Variants in HYDIN observed in about 807,000 individuals in gnomAD.
HYDIN encodes HYDIN axonemal central pair apparatus protein, also known as axonemal central pair apparatus protein HYDIN.
In HYDIN, 132 loss-of-function variants were observed where a neutral mutation model predicts 403.9. That is an observed-to-expected ratio of 0.33 (90% CI 0.28 to 0.38). The LOEUF is 0.38. Ranked by LOEUF, HYDIN falls within the 10% of genes least tolerant of loss-of-function variation. The probability of loss-of-function intolerance (pLI) is 1.00; values close to 1 mark genes in which losing one functional copy is unlikely to be tolerated. For missense variants in HYDIN, 2,827 were observed against 5,009.5 expected (o/e 0.56, Z 13.15); for synonymous variants, 1,202 against 1,891.7 (o/e 0.64, Z 9.46).
chr16:70,856,852 G>A (rs558807583), intron 72 of HYDIN, among the ~76,000 whole-genome samples: 4 of 152,356 alleles, frequency 2.6e-5, no homozygotes, highest in Admixed American at 6.5e-5. Flanking sequence ...AGAGAAAGAT[G>A]AGACAGGATG....
rs553587582 is a variant in HYDIN, at chr16:70,883,960, G to A, written c.9939C>T (p.Ala3313=). 4.7e-5 allele frequency: 76 copies of A among 1,614,044 alleles called. No homozygotes were observed. Among genetic ancestry groups the A allele is most frequent in the Non-Finnish European group, 5.8e-5 (69 of 1,180,032 alleles). Residue 3313 remains alanine, a synonymous_variant, in exon 59 of 86, where the codon GCC becomes GCT. Transcript: ENST00000393567. The stretch of plus-strand genomic sequence containing the variant: ...CAGCTAGCAAAGTGTAAAGAATGCC[G>A]GCAGGGTGGACTGCAGGGTCTCGGC... ...ISGRDPAVHP[A]GILYTLLAEA...
chr16:71,198,798 T>C lies in HYDIN; in HGVS notation c.-23-11880A>G, dbSNP rs1180182578. 5.9e-5 allele frequency among the ~76,000 whole-genome samples: 9 copies of C among 152,294 alleles called. 1 individual carries two copies. Among genetic ancestry groups the C allele is most frequent in the East Asian group, 5.8e-4 (3 of 5,188 alleles). The stretch of plus-strand genomic sequence containing the variant: ...CTTGTAATAAACTCACTTCATGTGA[T>C]CTGTTGTATGTGAGTGTTCTGTCTT... On this transcript the variant is annotated intron_variant, in intron 1 of 85. Transcript: ENST00000393567.
In HYDIN at chr16:71,227,715, C is replaced by T. The variant is rs548320202; in HGVS notation, c.-24+2847G>A. Among the ~76,000 whole-genome samples, 82 of 152,258 alleles carry T rather than the reference C, an allele frequency of 5.4e-4. 1 individual carries two copies. In the East Asian group the frequency reaches 0.015, roughly 28 times the overall value. On this transcript the variant is annotated intron_variant, in intron 1 of 85. Coordinates refer to ENST00000393567, the MANE Select transcript of HYDIN (RefSeq NM_001270974.2). ...GCTCATGGATAGGAATAATCAATAT[C>T]GTGAAAATGGCCATACTGCCCAAGG...
intron 18 of HYDIN, among the ~76,000 whole-genome samples, chr16:71,033,712 G>C (rs1163212912): frequency 6.6e-6 from 1 of 152,092 alleles, no homozygotes; most frequent in Non-Finnish European, 1.5e-5. Context: ...GTTGATAGGT[G>C]CAGCAAACTA....
chr16:70,913,348 G>A (rs1255810969), intron 47 of HYDIN, among the ~76,000 whole-genome samples: 1 of 151,862 alleles, frequency 6.6e-6, no homozygotes, highest in Non-Finnish European at 1.5e-5. Context: ...TCAGTTCTAT[G>A]AAGTTTTAAA....
Position 71,129,836 on chromosome 16 carries a change from G to C in HYDIN, c.1044-13C>G, listed in dbSNP as rs765423468. 2.3e-5 allele frequency: 37 copies of C among 1,586,712 alleles called. No individual in the cohort carries two copies. The highest frequency in any genetic ancestry group is 3.2e-5 in the Non-Finnish European group (37 of 1,163,468). ...ATCATCACAGGCCCTAAAGAAAACA[G>C]GCAATGTGAGATTCATGTGGGTACT... On this transcript the variant is annotated splice_polypyrimidine_tract_variant and intron_variant, in intron 8 of 85. Transcript: ENST00000393567.
intron 1 of HYDIN, among the ~76,000 whole-genome samples, chr16:71,190,952 T>C (rs1441102462): frequency 6.6e-6 from 1 of 151,836 alleles, no homozygotes. Context: ...TTATTCACAA[T>C]AAACATAGCA....
intron 5 of HYDIN, among the ~76,000 whole-genome samples, chr16:71,171,959 G>A (rs1192095431): frequency 3.9e-5 from 6 of 152,270 alleles, no homozygotes; most frequent in African/African-American, 1.4e-4. Context: ...AGATAGAACT[G>A]GGGAGGGCGA....
Position 71,020,160 on chromosome 16 carries a change from C to A in HYDIN, c.3330+14G>T, listed in dbSNP as rs1457592433. On this transcript the variant is annotated intron_variant, in intron 22 of 85. Transcript: ENST00000393567. ...CCCCAGACAGCTTGCCAGAACAGAC[C>A]CCTATTAAGGTACCTCAGGAGTTGC... 2.5e-6 allele frequency: 4 copies of A among 1,613,326 alleles called. No individual in the cohort carries two copies. Among genetic ancestry groups the A allele is most frequent in the Non-Finnish European group, 3.4e-6 (4 of 1,179,706 alleles).
Position 71,230,589 on chromosome 16 carries a change from T to C in HYDIN, c.-51A>G. On this transcript the variant is annotated 5_prime_UTR_variant, in exon 1 of 86. Transcript: ENST00000393567. ...TGGTGCACTCCGGGTCCCACGTTTA[T>C]TCTACCTCCATTCCCCGCCAAGACC... 1 of 1,535,908 alleles carries C rather than the reference T, an allele frequency of 6.5e-7. No individual in the cohort carries two copies. Among genetic ancestry groups the C allele is most frequent in the Admixed American group, 2.0e-5 (1 of 50,986 alleles).
At chr16:70,995,095 C>T (rs1434098883) in intron 23 of HYDIN, among the ~76,000 whole-genome samples, 1 of 152,166 alleles carries the variant, frequency 6.6e-6, no homozygotes, top group Admixed American at 6.5e-5. Context: ...CAGAGCCGCC[C>T]TCCCTGCTTG....
chr16:71,084,310 G>A (rs996888353), intron 12 of HYDIN, among the ~76,000 whole-genome samples: 4 of 144,508 alleles, frequency 2.8e-5, no homozygotes, highest in Admixed American at 1.4e-4. Flanking sequence ...TTTTTCTTTG[G>A]TTGCTTGTGC....
intron 23 of HYDIN, among the ~76,000 whole-genome samples, chr16:70,994,157 T>C (rs953121240): frequency 2.6e-5 from 4 of 152,230 alleles, no homozygotes; most frequent in African/African-American, 9.6e-5. Flanking sequence ...TATTACTGTA[T>C]GGAAGGAGGA....
chr16:71,036,207 G>T (rs1259646635), intron 18 of HYDIN, among the ~76,000 whole-genome samples: 2 of 151,668 alleles, frequency 1.3e-5, no homozygotes, highest in East Asian at 3.9e-4. Context: ...GGAACTGCAG[G>T]CTTAGAGTTC....
At chr16:71,131,025 C>A (rs1343428848) in intron 8 of HYDIN, among the ~76,000 whole-genome samples, 1 of 113,362 alleles carries the variant, frequency 8.8e-6, no homozygotes, top group East Asian at 2.4e-4. Flanking sequence ...GACATACGAC[C>A]ATATTCCCAT....
chr16:70,977,771 G>T (rs2078928905), intron 30 of HYDIN, among the ~76,000 whole-genome samples: 1 of 149,834 alleles, frequency 6.7e-6, no homozygotes, highest in Non-Finnish European at 1.5e-5. Context: ...TTTACAAGCT[G>T]AGAAGCTCTC....
chr16:71,048,212 T>C (rs2081515074), intron 18 of HYDIN, among the ~76,000 whole-genome samples: 1 of 151,640 alleles, frequency 6.6e-6, no homozygotes, highest in Admixed American at 6.6e-5. Context: ...ACTGTATATA[T>C]ATATCACATT....
At chr16:70,944,002 A>G (rs1345386468) in intron 41 of HYDIN, 53 bp from the exon 42 acceptor site, 2 of 1,331,026 alleles carry the variant, frequency 1.5e-6, no homozygotes, top group Admixed American at 4.0e-5. Context: ...TATCTCAACA[A>G]CTCCTACACT....
In HYDIN at chr16:71,151,946, A is replaced by G. The variant is rs184291094; in HGVS notation, c.841+713T>C. On this transcript the variant is annotated intron_variant, in intron 7 of 85. Transcript: ENST00000393567. ...TTATGTAGGATATTTGCATGTTCTA[A>G]GGATTAAAGTAACTGGATCTTAATA... is the stretch of plus-strand genomic sequence containing the variant. 2.0e-3 allele frequency among the ~76,000 whole-genome samples: 306 copies of G among 152,360 alleles called. 6 individuals carry two copies. Among genetic ancestry groups the G allele is most frequent in the African/African-American group, 6.9e-3 (287 of 41,582 alleles).
Sources: allele counts gnomAD v4.1 joint callset (sites outside exome capture counted in the v4.1 genomes callset), GRCh38; gene constraint gnomAD v4.1.1; transcripts MANE v1.5; gene names NCBI Gene and HGNC (gene_info 2026-07-23, HGNC 2026-07-21).